The following GLG1 variants were observed in gnomAD, a reference collection of about 807,000 sequenced individuals.
GLG1 encodes the protein golgi glycoprotein 1.
A neutral mutation model predicts 160.5 loss-of-function variants in GLG1; 38 were observed. The ratio of observed to expected loss-of-function variants is 0.24; its 90% CI spans 0.18 to 0.31. GLG1 has a LOEUF of 0.31. GLG1 is among the 10% of genes least tolerant of loss of function. The probability of loss-of-function intolerance (pLI) is 1.00; values close to 1 mark genes in which losing one functional copy is unlikely to be tolerated. For missense variants in GLG1, 1,373 were observed against 1,505.2 expected, an observed-to-expected ratio of 0.91 and a Z score of 1.45; for synonymous variants, 644 against 543.4, an observed-to-expected ratio of 1.19 and a Z score of -2.57.
chr16:74,598,685 G>C (rs889050942), intron 1 of GLG1, among the ~76,000 whole-genome samples: 3 of 151,730 alleles, frequency 2.0e-5, no homozygotes, highest in African/African-American at 4.8e-5. Flanking sequence ...CTGAGGTCAG[G>C]AGTTTGAGAC....
chr16:74,554,490 T>C (rs181688522), intron 1 of GLG1, among the ~76,000 whole-genome samples: 32 of 149,350 alleles, frequency 2.1e-4, no homozygotes, highest in South Asian at 2.1e-4. Context: ...GCAGATTGCA[T>C]CACTGCACTC....
At chr16:74,505,838 G>A (rs947163017) in intron 3 of GLG1, among the ~76,000 whole-genome samples, 1 of 151,866 alleles carries the variant, frequency 6.6e-6, no homozygotes, top group Non-Finnish European at 1.5e-5. Flanking sequence ...CTGGGCAACA[G>A]AGCGAGACTA....
chr16:74,493,602 A>T (rs1449792722), intron 6 of GLG1, among the ~76,000 whole-genome samples: 1 of 152,230 alleles, frequency 6.6e-6, no homozygotes, highest in Admixed American at 6.5e-5. Context: ...AGATTGTTCA[A>T]ATGATACAAG....
chr16:74,528,912 T>A (rs564281478), intron 2 of GLG1, among the ~76,000 whole-genome samples: 1 of 151,818 alleles, frequency 6.6e-6, no homozygotes. Flanking sequence ...CTCATTAGAT[T>A]TGGAAAACAT....
intron 5 of GLG1, 84 bp downstream of exon 5, chr16:74,496,357 A>C (rs1196170333): frequency 2.0e-6 from 2 of 987,712 alleles, no homozygotes; most frequent in African/African-American, 3.3e-5. Context: ...TCTCTCAAAA[A>C]ACAACACAAT....
intron 1 of GLG1, among the ~76,000 whole-genome samples, chr16:74,561,453 C>T (rs940594459): frequency 1.3e-5 from 2 of 152,122 alleles, no homozygotes; most frequent in East Asian, 3.8e-4. Context: ...CTACTGAATA[C>T]AAGTTTCTGA....
intron 1 of GLG1, among the ~76,000 whole-genome samples, chr16:74,565,446 A>C (rs989886772): frequency 6.6e-6 from 1 of 152,248 alleles, no homozygotes; most frequent in African/African-American, 2.4e-5. Context: ...TTCTCAGTAC[A>C]TAGGGAACTG....
intron 1 of GLG1, among the ~76,000 whole-genome samples, chr16:74,568,238 C>T (rs1335722657): frequency 6.6e-6 from 1 of 152,136 alleles, no homozygotes; most frequent in Admixed American, 6.5e-5. Context: ...GAAGCCTGTG[C>T]TAAACCTTGT....
Position 74,494,829 on chromosome 16 carries a change from T to G in GLG1, c.981A>C (p.Thr327=). ...RDDRERFCEN[T]QAGEGRVYKC... ...TATACACTCTGCCCTCACCAGCTTG[T>G]GTCTATAAGATGGAACATACACATT... is the stretch of plus-strand genomic sequence containing the variant. Residue 327 remains threonine (T), a splice_region_variant and synonymous_variant, in exon 6 of 26, where the codon ACA becomes ACC. Coordinates refer to ENST00000422840, the MANE Select transcript of GLG1 (RefSeq NM_001145667.2). 6.9e-7 allele frequency: 1 copy of G among 1,449,086 alleles called. No individual in the cohort carries two copies. The highest frequency in any genetic ancestry group is 9.7e-7 in the Non-Finnish European group (1 of 1,029,768). 89.8% of individuals were successfully genotyped at this position (1,449,086 alleles called of 1,614,324 possible).
In GLG1 at chr16:74,450,596, A is replaced by C. The variant is rs1002808849; in HGVS notation, c.*2571T>G. ...CCAGGCAGGGTGGCTCACACCTGTAATCCCAGCACTTTGGGAAGCTGAGGC... is the reference window on the plus strand; with the variant it reads ...CCAGGCAGGGTGGCTCACACCTGTACTCCCAGCACTTTGGGAAGCTGAGGC... On this transcript the variant is annotated 3_prime_UTR_variant, in exon 26 of 26. Transcript: ENST00000422840. 4 of 152,238 alleles carry C rather than the reference A, an allele frequency of 2.6e-5. No homozygotes were observed. The highest frequency in any genetic ancestry group is 7.2e-5 in the African/African-American group (3 of 41,454). 9.4% of individuals were successfully genotyped at this position (152,238 alleles called of 1,614,324 possible). A position where few individuals can be genotyped will look rare whatever the true frequency, so the allele number is the denominator to read the frequency against.
intron 4 of GLG1, among the ~76,000 whole-genome samples, chr16:74,500,149 C>A (rs2016353988): frequency 6.6e-6 from 1 of 151,952 alleles, no homozygotes; most frequent in African/African-American, 2.4e-5. Context: ...GAGTTTATAA[C>A]TGAAAGGCAT....
At chr16:74,499,860 G>A (rs574401350) in intron 4 of GLG1, among the ~76,000 whole-genome samples, 13 of 152,156 alleles carry the variant, frequency 8.5e-5, no homozygotes, top group Admixed American at 5.2e-4. Context: ...AAAATTAGCC[G>A]GGCATGGTGG....
At chr16:74,481,097 A>G (rs1425398909) in intron 10 of GLG1, among the ~76,000 whole-genome samples, 3 of 152,200 alleles carry the variant, frequency 2.0e-5, no homozygotes, top group African/African-American at 4.8e-5. Context: ...ACTTTTTACT[A>G]AATACCTTTT....
chr16:74,523,466 T>C (rs924186851), intron 2 of GLG1, among the ~76,000 whole-genome samples: 5 of 152,142 alleles, frequency 3.3e-5, no homozygotes, highest in Non-Finnish European at 7.3e-5. Context: ...TAAAATCACG[T>C]GGCAATTTTG....
chr16:74,488,876 C>T (rs1320208730), intron 8 of GLG1, among the ~76,000 whole-genome samples: 1 of 152,124 alleles, frequency 6.6e-6, no homozygotes, highest in Non-Finnish European at 1.5e-5. Context: ...GCCTTGGCCT[C>T]CCAAAGTTCT....
intron 2 of GLG1, among the ~76,000 whole-genome samples, chr16:74,515,841 G>C (rs2016960778): frequency 6.6e-6 from 1 of 151,494 alleles, no homozygotes; most frequent in South Asian, 2.1e-4. Flanking sequence ...TCAAAATAAA[G>C]GGATGGAGGA....
At chr16:74,588,690 A>T (rs1962667126) in intron 1 of GLG1, among the ~76,000 whole-genome samples, 1 of 152,116 alleles carries the variant, frequency 6.6e-6, no homozygotes, top group Non-Finnish European at 1.5e-5. Flanking sequence ...AAGTGCTCGG[A>T]TTACAGACAT....
At chr16:74,594,156 C>T (rs1449383311) in intron 1 of GLG1, among the ~76,000 whole-genome samples, 3 of 152,198 alleles carry the variant, frequency 2.0e-5, no homozygotes, top group Non-Finnish European at 4.4e-5. Context: ...ATCTGCCCAC[C>T]TCAGCCTCCC....
chr16:74,560,778 T>G (rs1188422417), intron 1 of GLG1, among the ~76,000 whole-genome samples: 1 of 151,592 alleles, frequency 6.6e-6, no homozygotes, highest in East Asian at 2.0e-4. Flanking sequence ...GCCAGGAGTT[T>G]GATTGAGACC....
Sources: gnomAD v4.1 joint callset for allele counts (sites outside exome capture counted in the v4.1 genomes callset) on GRCh38, gnomAD v4.1.1 for gene constraint, MANE v1.5 for transcripts, NCBI Gene and HGNC (gene_info 2026-07-23, HGNC 2026-07-21) for gene names.